The following RNGTT variants were observed in gnomAD, a reference collection of about 807,000 sequenced individuals.
RNGTT encodes RNA guanylyltransferase and 5'-phosphatase.
Under a neutral mutation model 79.3 loss-of-function variants are expected in RNGTT, and 33 were observed. The observed-to-expected ratio is 0.42, with a 90% confidence interval of 0.32 to 0.56. The LOEUF (loss-of-function observed/expected upper bound fraction) is 0.56. Ranked by LOEUF, RNGTT falls within the 20% of genes least tolerant of loss-of-function variation. The probability of loss-of-function intolerance (pLI) is 0.17; values close to 1 mark genes in which losing one functional copy is unlikely to be tolerated. For missense variants in RNGTT, 497 were observed against 739.1 expected, an observed-to-expected ratio of 0.67 and a Z score of 3.80; for synonymous variants, 222 against 235.9, an observed-to-expected ratio of 0.94 and a Z score of 0.54.
At chr6:88,815,475 A>T (rs1199947187) in intron 11 of RNGTT, among the ~76,000 whole-genome samples, 1 of 152,154 alleles carries the variant, frequency 6.6e-6, no homozygotes, top group African/African-American at 2.4e-5. Flanking sequence ...TCAGTATCTA[A>T]AGCCAGCAAG....
At chr6:88,722,867 T>G (rs1282683960) in intron 13 of RNGTT, among the ~76,000 whole-genome samples, 1 of 152,198 alleles carries the variant, frequency 6.6e-6, no homozygotes, top group Non-Finnish European at 1.5e-5. Context: ...CATAGTGCAA[T>G]GCATTATTCA....
intron 13 of RNGTT, among the ~76,000 whole-genome samples, chr6:88,742,559 GGAAA>G (rs1385428225): frequency 2.0e-5 from 3 of 152,126 alleles, no homozygotes; most frequent in African/African-American, 7.2e-5. Context: ...CTACGTTGGG[GGAAA>G]GAAAGGCTTG....
intron 13 of RNGTT, among the ~76,000 whole-genome samples, chr6:88,738,843 C>T (rs991783110): frequency 9.1e-5 from 13 of 143,502 alleles, no homozygotes; most frequent in African/African-American, 3.2e-4. Flanking sequence ...ATAAAATACA[C>T]ACACACACAC....
At chr6:88,663,726 C>T (rs1774277035) in intron 14 of RNGTT, among the ~76,000 whole-genome samples, 1 of 152,132 alleles carries the variant, frequency 6.6e-6, no homozygotes, top group African/African-American at 2.4e-5. Flanking sequence ...GGATATGAAG[C>T]TTGGGAGAAA....
intron 14 of RNGTT, among the ~76,000 whole-genome samples, chr6:88,650,458 A>T (rs1773754492): frequency 6.6e-6 from 1 of 152,196 alleles, no homozygotes; most frequent in Admixed American, 6.5e-5. Context: ...GCCCTGAGTC[A>T]TCAAAATGCC....
In RNGTT at chr6:88,940,615, C is replaced by T. The variant is rs558778616; in HGVS notation, c.174+456G>A. Among the ~76,000 whole-genome samples the T allele has an allele frequency of 2.6e-5, 4 of 152,238 alleles. No individual in the cohort carries two copies. In the East Asian group the frequency reaches 7.7e-4, roughly 29 times the overall value. ...GGCTGGGATGTCAGGTGGGCATTCTCTTAAATGGAAAAACTACACATTTTT... is the reference window on the plus strand; with the variant it reads ...GGCTGGGATGTCAGGTGGGCATTCTTTTAAATGGAAAAACTACACATTTTT... On this transcript the variant is annotated intron_variant, in intron 2 of 15. Coordinates refer to ENST00000369485, the MANE Select transcript of RNGTT (RefSeq NM_003800.5).
At chr6:88,766,586 A>C (rs1459700854) in intron 13 of RNGTT, among the ~76,000 whole-genome samples, 1 of 152,096 alleles carries the variant, frequency 6.6e-6, no homozygotes, top group Non-Finnish European at 1.5e-5. Flanking sequence ...AAGAAGAGCA[A>C]AGTATGGATT....
chr6:88,704,193 G>C (rs1776042370), intron 13 of RNGTT, among the ~76,000 whole-genome samples: 1 of 143,924 alleles, frequency 6.9e-6, no homozygotes, highest in Admixed American at 7.4e-5. Flanking sequence ...CCAGGAGGTG[G>C]AGCTTGCAGT....
intron 2 of RNGTT, among the ~76,000 whole-genome samples, chr6:88,931,499 A>G (rs1784512975): frequency 6.6e-6 from 1 of 152,200 alleles, no homozygotes; most frequent in Non-Finnish European, 1.5e-5. Context: ...TGGATTTTTG[A>G]AGTAAGTGAA....
intron 13 of RNGTT, among the ~76,000 whole-genome samples, chr6:88,766,615 G>C (rs1778471093): frequency 6.6e-6 from 1 of 151,898 alleles, no homozygotes; most frequent in African/African-American, 2.4e-5. Context: ...CATCAACAGG[G>C]CACTCAACAC....
chr6:88,660,630 T>C (rs1277647271), intron 14 of RNGTT, among the ~76,000 whole-genome samples: 2 of 151,622 alleles, frequency 1.3e-5, no homozygotes, highest in African/African-American at 2.4e-5. Flanking sequence ...CAATCCTAAA[T>C]ACATGCACCT....
intron 12 of RNGTT, among the ~76,000 whole-genome samples, chr6:88,779,048 G>GAA (rs375500570): frequency 1.3e-5 from 2 of 151,838 alleles, no homozygotes; most frequent in African/African-American, 4.8e-5. Context: ...TTAGTGAAGA[G>GAA]AATCTGATAA....
At chr6:88,748,241 A>G (rs1332788509) in intron 13 of RNGTT, among the ~76,000 whole-genome samples, 1 of 150,116 alleles carries the variant, frequency 6.7e-6, no homozygotes, top group African/African-American at 2.4e-5. Flanking sequence ...TACTTCCCTC[A>G]GAGTATGAGC....
intron 14 of RNGTT, among the ~76,000 whole-genome samples, chr6:88,668,278 G>T (rs6902023): frequency 0.11 from 17,322 of 152,082 alleles, 1,109 homozygotes; most frequent in Middle Eastern, 0.22. Flanking sequence ...ACAGCCACGT[G>T]AAACCCACAG....
chr6:88,620,149 G>A (rs1305331715), intron 14 of RNGTT, among the ~76,000 whole-genome samples: 2 of 152,162 alleles, frequency 1.3e-5, no homozygotes, highest in African/African-American at 4.8e-5. Flanking sequence ...GGCACATCTT[G>A]CATTTGCTAG....
chr6:88,918,094 T>C (rs1487507093), intron 4 of RNGTT, among the ~76,000 whole-genome samples: 1 of 149,902 alleles, frequency 6.7e-6, no homozygotes, highest in African/African-American at 2.5e-5. Context: ...GAGGCGGGAA[T>C]ATCACTTGAG....
At chr6:88,953,112 A>C (rs2127964733) in intron 1 of RNGTT, among the ~76,000 whole-genome samples, 1 of 152,368 alleles carries the variant, frequency 6.6e-6, no homozygotes, top group Admixed American at 6.5e-5. Context: ...ATGGATCCAA[A>C]CCAGGAAGAA....
At chr6:88,616,770 T>TTA (rs1334261701) in intron 14 of RNGTT, among the ~76,000 whole-genome samples, 1 of 152,222 alleles carries the variant, frequency 6.6e-6, no homozygotes, top group Non-Finnish European at 1.5e-5. Context: ...TAGGAGTTCC[T>TTA]TATATATTCT....
intron 13 of RNGTT, among the ~76,000 whole-genome samples, chr6:88,694,712 T>C (rs1291656615): frequency 1.3e-5 from 2 of 152,132 alleles, no homozygotes; most frequent in African/African-American, 4.8e-5. Flanking sequence ...AAAGCTATAG[T>C]AATTAAAACA....
Sources: gnomAD v4.1 joint callset for allele counts (sites outside exome capture counted in the v4.1 genomes callset) on GRCh38, gnomAD v4.1.1 for gene constraint, MANE v1.5 for transcripts, NCBI Gene and HGNC (gene_info 2026-07-23, HGNC 2026-07-21) for gene names.